The following BMP6 variants were observed in gnomAD, a reference collection of about 807,000 sequenced individuals.
BMP6 encodes the protein bone morphogenetic protein 6, also known as VG-1-R.
BMP6 carries 17 observed loss-of-function variants against 54.1 expected under a neutral mutation model. The observed-to-expected ratio is 0.31, with a 90% CI of 0.22 to 0.47. The LOEUF (loss-of-function observed/expected upper bound fraction) is 0.47, where lower values mean the gene tolerates loss of function less well. BMP6 is among the 20% of genes least tolerant of loss of function. The pLI, the probability that BMP6 is intolerant of heterozygous loss-of-function variation, is 1.00. For missense variants in BMP6, 720 were observed against 690.4 expected, an observed-to-expected ratio of 1.04 and a Z score of -0.48; for synonymous variants, 328 against 291.2, an observed-to-expected ratio of 1.13 and a Z score of -1.28.
intron 1 of BMP6, among the ~76,000 whole-genome samples, chr6:7,747,246 C>T (rs1757361550): frequency 6.6e-6 from 1 of 152,228 alleles, no homozygotes; most frequent in Non-Finnish European, 1.5e-5. Context: ...GTGAATATGC[C>T]ACCTTATATG....
At chr6:7,859,682 C>G (rs534987980) in intron 2 of BMP6, among the ~76,000 whole-genome samples, 1 of 152,102 alleles carries the variant, frequency 6.6e-6, no homozygotes, top group Non-Finnish European at 1.5e-5. Context: ...CCCCCGCACC[C>G]CCCGCAATCT....
rs201925020 is a variant in BMP6 at position 7,874,760 on chromosome 6, A to G, written c.1205-4314A>G. On this transcript the variant is annotated intron_variant, in intron 4 of 6. Transcript: ENST00000283147. ...GAGACCCTGTCTCAAAAATTTCTTA[A>G]AAACCCACAAAAACAAAAAAATCCA... Among the ~76,000 whole-genome samples, 39 of 152,280 alleles carry G rather than the reference A, an allele frequency of 2.6e-4. No individual in the cohort carries two copies. The East Asian group carries it at 7.1e-3, about 28-fold the overall frequency.
chr6:7,818,395 G>A (rs1057492856), intron 1 of BMP6, among the ~76,000 whole-genome samples: 1 of 152,104 alleles, frequency 6.6e-6, no homozygotes, highest in African/African-American at 2.4e-5. Context: ...TTTAACTTAC[G>A]GCCACAACTT....
At chr6:7,794,454 G>T (rs995120660) in intron 1 of BMP6, among the ~76,000 whole-genome samples, 8 of 152,060 alleles carry the variant, frequency 5.3e-5, no homozygotes, top group Non-Finnish European at 1.0e-4. Context: ...TTTAAAAATA[G>T]CTGGGTGTGG....
chr6:7,775,633 C>T (rs575301532), intron 1 of BMP6, among the ~76,000 whole-genome samples: 2 of 152,256 alleles, frequency 1.3e-5, no homozygotes, highest in East Asian at 3.9e-4. Flanking sequence ...GTCAAGGGAC[C>T]GGGTTCATGT....
intron 2 of BMP6, among the ~76,000 whole-genome samples, chr6:7,859,108 C>A (rs1226758607): frequency 6.6e-6 from 1 of 152,084 alleles, no homozygotes; most frequent in Non-Finnish European, 1.5e-5. Flanking sequence ...CATCTTCCGC[C>A]TTTGCCCCAA....
At chr6:7,789,463 G>A (rs59060517) in intron 1 of BMP6, among the ~76,000 whole-genome samples, 3 of 152,134 alleles carry the variant, frequency 2.0e-5, no homozygotes, top group African/African-American at 7.2e-5. Context: ...TTTTATCATA[G>A]AATTATAAAA....
At chr6:7,792,180 A>C (rs193299175) in intron 1 of BMP6, among the ~76,000 whole-genome samples, 7 of 152,286 alleles carry the variant, frequency 4.6e-5, no homozygotes, top group Middle Eastern at 3.4e-3. Flanking sequence ...ATCTCTTCTT[A>C]CCTGGGAAAC....
At chr6:7,852,550 C>G (rs925709840) in intron 2 of BMP6, among the ~76,000 whole-genome samples, 4 of 152,206 alleles carry the variant, frequency 2.6e-5, no homozygotes, top group African/African-American at 9.7e-5. Context: ...GCGCTCTATG[C>G]TGGGCAACAA....
At chr6:7,845,597 T>C (rs561123133) in intron 2 of BMP6, among the ~76,000 whole-genome samples, 2 of 152,352 alleles carry the variant, frequency 1.3e-5, no homozygotes, top group South Asian at 4.1e-4. Context: ...CTCCATAATT[T>C]ATTAGGGTTA....
chr6:7,879,283 A>G, intron 5 of BMP6, 133 bp downstream of exon 5: 3 of 938,922 alleles, frequency 3.2e-6, no homozygotes, highest in Non-Finnish European at 4.9e-6. Flanking sequence ...AGTCCTGAGG[A>G]GCCCTCCCAA....
chr6:7,853,605 GT>G (rs1359203989), intron 2 of BMP6, among the ~76,000 whole-genome samples: 2 of 152,186 alleles, frequency 1.3e-5, no homozygotes, highest in Admixed American at 6.5e-5. Context: ...CTATATTATA[GT>G]TTGGGCAGAA....
intron 1 of BMP6, among the ~76,000 whole-genome samples, chr6:7,744,403 G>T (rs1757317251): frequency 6.6e-6 from 1 of 152,108 alleles, no homozygotes; most frequent in Non-Finnish European, 1.5e-5. Context: ...TTGAACCCAG[G>T]AGGCCGAGGT....
chr6:7,746,923 T>C (rs1757355376), intron 1 of BMP6, among the ~76,000 whole-genome samples: 1 of 152,214 alleles, frequency 6.6e-6, no homozygotes, highest in African/African-American at 2.4e-5. Flanking sequence ...TCCACTCTGT[T>C]GGCCAACTCA....
At chr6:7,768,370 C>A (rs1757724997) in intron 1 of BMP6, among the ~76,000 whole-genome samples, 1 of 152,162 alleles carries the variant, frequency 6.6e-6, no homozygotes, top group South Asian at 2.1e-4. Context: ...CAATTCGCCA[C>A]TTAGGATTCA....
chr6:7,845,112 T>C, intron 1 of BMP6, 28 bp from the exon 2 acceptor site: 1 of 1,584,962 alleles, frequency 6.3e-7, no homozygotes, highest in Non-Finnish European at 8.6e-7. Context: ...TAACAATAGT[T>C]GTCACTCTCT....
At chr6:7,859,503 C>T (rs543150700) in intron 2 of BMP6, among the ~76,000 whole-genome samples, 2 of 152,072 alleles carry the variant, frequency 1.3e-5, no homozygotes, top group South Asian at 4.2e-4. Context: ...CCGATGTGTG[C>T]CGTGCTTCCT....
At chr6:7,822,042 C>CA (rs2113224801) in intron 1 of BMP6, among the ~76,000 whole-genome samples, 1 of 151,356 alleles carries the variant, frequency 6.6e-6, no homozygotes, top group African/African-American at 2.4e-5. Flanking sequence ...TTTTTTGAGA[C>CA]AGAGTTTTGG....
intron 4 of BMP6, among the ~76,000 whole-genome samples, chr6:7,873,585 A>G (rs1256346119): frequency 6.6e-6 from 1 of 152,108 alleles, no homozygotes; most frequent in Admixed American, 6.6e-5. Context: ...AGCCCCCCAG[A>G]GGCCAGGCTA....
Sources: gnomAD v4.1 joint callset for allele counts (sites outside exome capture counted in the v4.1 genomes callset) on GRCh38, gnomAD v4.1.1 for gene constraint, MANE v1.5 for transcripts, NCBI Gene and HGNC (gene_info 2026-07-23, HGNC 2026-07-21) for gene names.